The following OSBPL1A variants were observed in gnomAD, a reference collection of about 807,000 sequenced individuals.
The protein encoded by OSBPL1A is oxysterol binding protein like 1A, also known as oxysterol-binding protein-related protein 1.
In OSBPL1A, 80 loss-of-function variants were observed where a neutral mutation model predicts 137.1. The observed-to-expected ratio is 0.58, with a 90% confidence interval of 0.49 to 0.70. The LOEUF (loss-of-function observed/expected upper bound fraction) is 0.70. Among genes scored for constraint, OSBPL1A ranks in the 30% least tolerant of loss-of-function variants. The pLI is 0.00. For synonymous variants in OSBPL1A, 365 were observed against 389.7 expected (o/e 0.94, Z 0.75); for missense variants, 970 against 1,129.4 (o/e 0.86, Z 2.02).
chr18:24,269,060 G>A (rs77599684), intron 15 of OSBPL1A, among the ~76,000 whole-genome samples: 7,029 of 152,170 alleles, frequency 0.046, 259 homozygotes, highest in Non-Finnish European at 0.071. Flanking sequence ...TATTCATGCC[G>A]TTTGTTTCTG....
chr18:24,343,662 T>C (rs2091303144), intron 4 of OSBPL1A, among the ~76,000 whole-genome samples: 1 of 152,064 alleles, frequency 6.6e-6, no homozygotes. Context: ...AGAAATAAAC[T>C]CTCGGATATA....
intron 7 of OSBPL1A, among the ~76,000 whole-genome samples, chr18:24,320,357 T>C (rs1163323584): frequency 6.6e-6 from 1 of 152,204 alleles, no homozygotes. Flanking sequence ...CCAGACTTTT[T>C]AAATAAATGA....
At chr18:24,195,571 C>T (rs558295368) in intron 18 of OSBPL1A, among the ~76,000 whole-genome samples, 1 of 152,176 alleles carries the variant, frequency 6.6e-6, no homozygotes, top group African/African-American at 2.4e-5. Flanking sequence ...AGAACTTTAC[C>T]CAGAATCCTA....
rs185064213 is a variant in OSBPL1A, at chr18:24,360,966, A to G, written c.282+5926T>C. ...TTTTACTAATGTTTCTAAATGTATGAATAGCTCACATTTATTTCAATGTTT... is the reference window on the plus strand; with the variant it reads ...TTTTACTAATGTTTCTAAATGTATGGATAGCTCACATTTATTTCAATGTTT... On this transcript the variant is annotated intron_variant, in intron 4 of 27. Transcript: ENST00000319481. Among the ~76,000 whole-genome samples the G allele has an allele frequency of 3.9e-5, 6 of 152,328 alleles. No individual in the cohort carries two copies. In the East Asian group the frequency reaches 1.2e-3, roughly 29 times the overall value.
rs553601454 is a variant in OSBPL1A at position 24,164,529 on chromosome 18, C to T, written c.2750+536G>A. Reference sequence around the variant, plus strand: ...CTGCAAGCTCTGCCTCCCGGGTTCACGCCATTCTCCTGCCTCAGCCTCCTG... The same window carrying T: ...CTGCAAGCTCTGCCTCCCGGGTTCATGCCATTCTCCTGCCTCAGCCTCCTG... On this transcript the variant is annotated intron_variant, in intron 27 of 27. Transcript: ENST00000319481. 6.5e-3 allele frequency among the ~76,000 whole-genome samples: 964 copies of T among 148,542 alleles called. 3 individuals are homozygous for T. The highest frequency in any genetic ancestry group is 0.01 in the Non-Finnish European group (686 of 67,618).
intron 4 of OSBPL1A, among the ~76,000 whole-genome samples, chr18:24,353,983 G>A (rs1417584217): frequency 1.3e-5 from 2 of 150,878 alleles, no homozygotes; most frequent in Non-Finnish European, 1.5e-5. Context: ...CCAGTTAATG[G>A]GTGCAGCACA....
chr18:24,318,820 T>C lies in OSBPL1A; in HGVS notation c.626-11A>G, dbSNP rs777932562. On this transcript the variant is annotated splice_polypyrimidine_tract_variant and intron_variant, in intron 7 of 27. Coordinates refer to ENST00000319481, the MANE Select transcript of OSBPL1A (RefSeq NM_080597.4). ...CAAGAGGTTTCTGATCTGTGCAAAA[T>C]ACAAAGAAAAAAAGCCATCAACAGC... 9.9e-6 allele frequency: 16 copies of C among 1,610,412 alleles called. No homozygotes were observed. The South Asian group carries it at 1.3e-4, about 13-fold the overall frequency.
chr18:24,298,266 C>T (rs1568009322), intron 14 of OSBPL1A, among the ~76,000 whole-genome samples: 1 of 152,230 alleles, frequency 6.6e-6, no homozygotes, highest in Non-Finnish European at 1.5e-5. Context: ...AAATGGGCAA[C>T]CAGCAGCCCT....
intron 18 of OSBPL1A, among the ~76,000 whole-genome samples, chr18:24,193,028 A>T (rs1277790917): frequency 6.6e-6 from 1 of 152,202 alleles, no homozygotes; most frequent in Non-Finnish European, 1.5e-5. Flanking sequence ...CTCAGTATCA[A>T]ATTTCCTCTT....
Position 24,165,097 on chromosome 18 carries a change from G to A in OSBPL1A, c.2718C>T (p.Asn906=). Residue 906 remains asparagine (N), a synonymous_variant, in exon 27 of 28, where the codon AAC becomes AAT. Transcript: ENST00000319481. ...TCCAGTCCTCTTCTGACTTGGACCTGTTTTTGCGGGCTGCTCTTTGTTTTT... is the reference window on the plus strand; with the variant it reads ...TCCAGTCCTCTTCTGACTTGGACCTATTTTTGCGGGCTGCTCTTTGTTTTT... ...LEEKQRAARK[N]RSKSEEDWKT... 1 of 1,614,064 alleles carries A rather than the reference G, an allele frequency of 6.2e-7. No homozygotes were observed. Among genetic ancestry groups the A allele is most frequent in the Non-Finnish European group, 8.5e-7 (1 of 1,179,994 alleles).
At chr18:24,383,378 C>T (rs910045855) in intron 1 of OSBPL1A, among the ~76,000 whole-genome samples, 2 of 152,046 alleles carry the variant, frequency 1.3e-5, no homozygotes, top group African/African-American at 4.8e-5. Context: ...ATAACATTTT[C>T]CTTGGATTCT....
rs115183039 is a variant in OSBPL1A, at chr18:24,380,451, C to T, written c.-2-2916G>A. On this transcript the variant is annotated intron_variant, in intron 1 of 27. Transcript: ENST00000319481. Reference sequence around the variant, plus strand: ...TGTCCAGCTGAGGGTCCTAATTCCACCCCTCAGAAGTGTTCTCCTTTCACC... The same window carrying T: ...TGTCCAGCTGAGGGTCCTAATTCCATCCCTCAGAAGTGTTCTCCTTTCACC... 4.7e-3 allele frequency among the ~76,000 whole-genome samples: 710 copies of T among 152,324 alleles called. 3 individuals carry two copies. The highest frequency in any genetic ancestry group is 0.017 in the African/African-American group (693 of 41,568).
At chr18:24,254,694 G>A (rs1035165664) in intron 15 of OSBPL1A, among the ~76,000 whole-genome samples, 2 of 152,000 alleles carry the variant, frequency 1.3e-5, no homozygotes, top group Admixed American at 6.6e-5. Context: ...TACTAAGAGA[G>A]AAATTTACAG....
At chr18:24,308,157 C>G (rs577879137) in intron 13 of OSBPL1A, among the ~76,000 whole-genome samples, 2 of 151,006 alleles carry the variant, frequency 1.3e-5, no homozygotes, top group East Asian at 3.9e-4. Context: ...ACTCTGTCGC[C>G]CAGGCTGGAG....
intron 15 of OSBPL1A, among the ~76,000 whole-genome samples, chr18:24,273,760 G>A (rs947138450): frequency 6.6e-6 from 1 of 152,130 alleles, no homozygotes; most frequent in East Asian, 1.9e-4. Context: ...TGACAGCCAG[G>A]AACTCATGGA....
At chr18:24,313,546 A>C (rs557534714) in intron 12 of OSBPL1A, among the ~76,000 whole-genome samples, 1 of 152,260 alleles carries the variant, frequency 6.6e-6, no homozygotes, top group East Asian at 1.9e-4. Flanking sequence ...CTGAGTCTCC[A>C]TTGTAATGAG....
At chr18:24,222,842 T>A (rs2087935794) in intron 17 of OSBPL1A, among the ~76,000 whole-genome samples, 1 of 152,170 alleles carries the variant, frequency 6.6e-6, no homozygotes, top group Non-Finnish European at 1.5e-5. Context: ...ATAATCCGTA[T>A]GTTTCCCATG....
intron 17 of OSBPL1A, among the ~76,000 whole-genome samples, chr18:24,209,526 C>T (rs753255137): frequency 7.2e-5 from 11 of 152,196 alleles, no homozygotes; most frequent in Non-Finnish European, 1.6e-4. Context: ...CCCAAAAGTT[C>T]TACTCCTACA....
chr18:24,366,613 A>T, intron 4 of OSBPL1A: 1 of 299,210 alleles, frequency 3.3e-6, no homozygotes, highest in Non-Finnish European at 6.1e-6. Flanking sequence ...TTTTTTAAAA[A>T]AAAGAATAAT....
Sources: allele counts gnomAD v4.1 joint callset (sites outside exome capture counted in the v4.1 genomes callset), GRCh38; gene constraint gnomAD v4.1.1; transcripts MANE v1.5; gene names NCBI Gene and HGNC (gene_info 2026-07-23, HGNC 2026-07-21).